CHRNA7: variants seen among roughly 807,000 people sequenced by gnomAD.
The protein encoded by CHRNA7 is neuronal acetylcholine receptor subunit alpha-7.
A neutral mutation model predicts 48.0 loss-of-function variants in CHRNA7; 17 were observed. The ratio of observed to expected loss-of-function variants is 0.35; its 90% CI spans 0.24 to 0.53. CHRNA7 has a LOEUF of 0.53. Ranked by LOEUF, CHRNA7 falls within the 20% of genes least tolerant of loss-of-function variation. The pLI is 0.92. For synonymous variants in CHRNA7, 75 were observed against 242.3 expected (o/e 0.31, Z 6.41); for missense variants, 155 against 577.7 (o/e 0.27, Z 7.50).
chr15:32,107,285 A>G (rs771694336), intron 3 of CHRNA7, among the ~76,000 whole-genome samples: 5 of 152,092 alleles, frequency 3.3e-5, no homozygotes, highest in African/African-American at 9.7e-5. Context: ...CCAGCTGCAA[A>G]TGGTGTACCC....
At chr15:32,121,061 G>A (rs1455408053) in intron 4 of CHRNA7, among the ~76,000 whole-genome samples, 2 of 152,214 alleles carry the variant, frequency 1.3e-5, no homozygotes, top group Non-Finnish European at 1.5e-5. Context: ...GGAGACTTAG[G>A]AAGTTGTGTG....
intron 9 of CHRNA7, among the ~76,000 whole-genome samples, chr15:32,166,782 C>T (rs2052183246): frequency 1.5e-5 from 2 of 136,888 alleles, no homozygotes; most frequent in South Asian, 5.0e-4. Flanking sequence ...AGTTGTCTCT[C>T]TTCTTTCCAT....
At chr15:32,039,222 G>T (rs2049404764) in intron 2 of CHRNA7, among the ~76,000 whole-genome samples, 1 of 151,758 alleles carries the variant, frequency 6.6e-6, no homozygotes, top group Non-Finnish European at 1.5e-5. Context: ...TTTTGTTTTT[G>T]TTCATTTCCT....
At chr15:32,148,350 T>C (rs2051536554) in intron 4 of CHRNA7, among the ~76,000 whole-genome samples, 1 of 152,210 alleles carries the variant, frequency 6.6e-6, no homozygotes, top group Non-Finnish European at 1.5e-5. Flanking sequence ...GCCGGGCTTC[T>C]GGGTCAGATG....
chr15:32,038,144 GTACA>G (rs900355963), intron 2 of CHRNA7, among the ~76,000 whole-genome samples: 9 of 144,704 alleles, frequency 6.2e-5, no homozygotes, highest in Non-Finnish European at 1.0e-4. Context: ...GTATAAATAT[GTACA>G]TACATTTTGT....
rs952762754 is a variant in CHRNA7 at position 32,094,557 on chromosome 15, G to A, written c.196-6746G>A. Among the ~76,000 whole-genome samples the A allele has an allele frequency of 7.9e-5, 12 of 152,292 alleles. No homozygotes were observed. The South Asian group carries it at 8.3e-4, about 11-fold the overall frequency. On this transcript the variant is annotated intron_variant, in intron 2 of 9. Transcript: ENST00000306901. ...GATAGTGAGGAGATATTGCCAGTTCGGGCCAATTCTCTTAGCCTTTTCAGT... is the reference window on the plus strand; with the variant it reads ...GATAGTGAGGAGATATTGCCAGTTCAGGCCAATTCTCTTAGCCTTTTCAGT...
chr15:32,033,985 A>C (rs957456552), intron 2 of CHRNA7, among the ~76,000 whole-genome samples: 2 of 152,228 alleles, frequency 1.3e-5, no homozygotes, highest in African/African-American at 4.8e-5. Flanking sequence ...CTCCTGTTGT[A>C]GACTTTGACA....
chr15:32,114,764 A>T (rs2050839425), intron 4 of CHRNA7, among the ~76,000 whole-genome samples: 1 of 152,244 alleles, frequency 6.6e-6, no homozygotes, highest in Non-Finnish European at 1.5e-5. Context: ...ACTTAAAGCA[A>T]ACAACTCAGA....
chr15:32,123,448 CAG>C (rs750299186), intron 4 of CHRNA7, among the ~76,000 whole-genome samples: 2 of 152,112 alleles, frequency 1.3e-5, no homozygotes, highest in African/African-American at 2.4e-5. Context: ...AACTGAGAAA[CAG>C]TGTAAGTATG....
intron 2 of CHRNA7, among the ~76,000 whole-genome samples, chr15:32,059,267 G>A (rs148689591): frequency 1.6e-4 from 24 of 152,224 alleles, no homozygotes; most frequent in Admixed American, 1.6e-3. Flanking sequence ...GCCTTCTGAA[G>A]TGCTGTATTT....
At chr15:32,040,528 A>G (rs1267178393) in intron 2 of CHRNA7, among the ~76,000 whole-genome samples, 1 of 151,874 alleles carries the variant, frequency 6.6e-6, no homozygotes, top group African/African-American at 2.4e-5. Flanking sequence ...ATAATGCAAA[A>G]TAACATGAAT....
chr15:32,041,470 G>A lies in CHRNA7; in HGVS notation c.195+10433G>A, dbSNP rs558332254. On this transcript the variant is annotated intron_variant, in intron 2 of 9. Transcript: ENST00000306901. ...GTTCCTGTAAGAATGTCACGCTGCC[G>A]CTGATCTGACCGGAGGCGGAGCTCA... Among the ~76,000 whole-genome samples, 17 of 152,314 alleles carry A rather than the reference G, an allele frequency of 1.1e-4. No individual in the cohort carries two copies. In the East Asian group the frequency reaches 3.1e-3, roughly 28 times the overall value.
chr15:32,167,539 T>C, intron 9 of CHRNA7: 1 of 204,766 alleles, frequency 4.9e-6, no homozygotes, highest in Non-Finnish European at 8.9e-6. Context: ...TGCAGTGGCC[T>C]TCCAGGGCAC....
At chr15:32,055,555 G>A (rs1421828538) in intron 2 of CHRNA7, among the ~76,000 whole-genome samples, 1 of 152,144 alleles carries the variant, frequency 6.6e-6, no homozygotes, top group South Asian at 2.1e-4. Context: ...CCACTCCCAA[G>A]GTAACTGCAT....
intron 4 of CHRNA7, among the ~76,000 whole-genome samples, chr15:32,127,311 C>G (rs2051084446): frequency 6.6e-6 from 1 of 152,058 alleles, no homozygotes; most frequent in African/African-American, 2.4e-5. Flanking sequence ...AAGATGTTTC[C>G]ATTCGTCTGG....
intron 2 of CHRNA7, among the ~76,000 whole-genome samples, chr15:32,068,355 A>G (rs2049999296): frequency 6.6e-6 from 1 of 152,172 alleles, no homozygotes; most frequent in South Asian, 2.1e-4. Context: ...ATCAGATTGC[A>G]CATGGAAGTA....
intron 4 of CHRNA7, among the ~76,000 whole-genome samples, chr15:32,151,357 G>A (rs546112973): frequency 1.3e-5 from 2 of 152,224 alleles, no homozygotes; most frequent in Admixed American, 1.3e-4. Flanking sequence ...ATCTAAAAGT[G>A]TATTCTTTCT....
intron 4 of CHRNA7, among the ~76,000 whole-genome samples, chr15:32,136,542 G>A (rs982780742): frequency 1.3e-5 from 2 of 151,312 alleles, no homozygotes; most frequent in Non-Finnish European, 2.9e-5. Context: ...GGAAAATATA[G>A]CATGAAATAG....
intron 2 of CHRNA7, among the ~76,000 whole-genome samples, chr15:32,076,946 C>T (rs2050144629): frequency 6.6e-6 from 1 of 152,150 alleles, no homozygotes; most frequent in Non-Finnish European, 1.5e-5. Context: ...CCTTGCTCCA[C>T]CCAACTCTTG....
Sources: gnomAD v4.1 joint callset for allele counts (sites outside exome capture counted in the v4.1 genomes callset) on GRCh38, gnomAD v4.1.1 for gene constraint, MANE v1.5 for transcripts, NCBI Gene and HGNC (gene_info 2026-07-23, HGNC 2026-07-21) for gene names.